Variants in AGO3 observed in about 807,000 individuals in gnomAD.
The protein encoded by AGO3 is argonaute RISC catalytic component 3, also known as protein argonaute-3.
In AGO3, 16 loss-of-function variants were observed where a neutral mutation model predicts 105.5. The ratio of observed to expected loss-of-function variants is 0.15; its 90% CI spans 0.10 to 0.23. The LOEUF is 0.23. Ranked by LOEUF, AGO3 falls within the 10% of genes least tolerant of loss-of-function variation. AGO3 has a pLI of 1.00. For missense variants in AGO3, 534 were observed against 1,088.0 expected (o/e 0.49, Z 7.16); for synonymous variants, 340 against 367.3 (o/e 0.93, Z 0.85).
chr1:36,013,424 C>T (rs1012570703), intron 9 of AGO3: 2 of 560,014 alleles, frequency 3.6e-6, no homozygotes, highest in Non-Finnish European at 6.0e-6. Context: ...GTATAAATTA[C>T]CAGGAGGTCA....
rs1643144303 is a variant in AGO3, at chr1:36,070,234, A to G, written c.*14489A>G. On this transcript the variant is annotated 3_prime_UTR_variant, in exon 19 of 19. Coordinates refer to ENST00000373191, the MANE Select transcript of AGO3 (RefSeq NM_024852.4). ...TTGAAGAAGAGGGTTAGATTTTAAG[A>G]AAGAAAGTGTGCTTATTTCACTCAT... is the stretch of plus-strand genomic sequence containing the variant. The G allele has an allele frequency of 6.6e-6, 1 of 152,190 alleles. No homozygotes were observed. Among genetic ancestry groups the G allele is most frequent in the African/African-American group, 2.4e-5 (1 of 41,446 alleles). The allele number at this position is 152,190 out of a possible 1,614,324, so 9.4% of individuals were successfully genotyped here.
At position 36,058,940 on chromosome 1, in the gene AGO3, T is replaced by TC. The variant is rs1376555874; in HGVS notation, c.*3195_*3196insC. The TC allele has an allele frequency of 6.6e-6, 1 of 152,140 alleles. No individual in the cohort carries two copies. Among genetic ancestry groups the TC allele is most frequent in the Admixed American group, 6.6e-5 (1 of 15,264 alleles). 9.4% of individuals were successfully genotyped at this position (152,140 alleles called of 1,614,324 possible). On this transcript the variant is annotated 3_prime_UTR_variant, in exon 19 of 19. Transcript: ENST00000373191. ...TTAATTCGTCTATGCTTGATCAGTG[T>TC]GAGTAAAACATCTTCCTTTATCATG...
chr1:35,931,363 G>T lies in AGO3; in HGVS notation c.-64G>T. Reference sequence around the variant, plus strand: ...CGCGTCGCGCCGCGTCGCCCCCCGGGCCGCCTCCTTGCCGCCAGTGGCGGG... The same window carrying T: ...CGCGTCGCGCCGCGTCGCCCCCCGGTCCGCCTCCTTGCCGCCAGTGGCGGG... On this transcript the variant is annotated 5_prime_UTR_variant, in exon 1 of 19. Transcript: ENST00000373191. The T allele has an allele frequency of 7.2e-7, 1 of 1,392,300 alleles. No individual in the cohort carries two copies. Among genetic ancestry groups the T allele is most frequent in the Non-Finnish European group, 9.4e-7 (1 of 1,065,966 alleles). 86.2% of individuals were successfully genotyped at this position (1,392,300 alleles called of 1,614,324 possible).
rs1642870722 is a variant in AGO3, at chr1:36,055,050, C to G, written c.2379C>G (p.Arg793=). ...ACCAGCTCTGCCACACTTACGTACG[C>G]TGTACACGATCTGTTTCTATACCTG... ...LTYQLCHTYV[R]CTRSVSIPAP... The change falls in exon 18 of 19, where the codon CGC becomes CGG. Residue 793 remains arginine (R), a synonymous_variant. Transcript: ENST00000373191. This position sits in a 1 kb window ranked among gnomAD's most constrained non-coding sequence, Gnocchi z 4.4. The G allele has an allele frequency of 6.2e-7, 1 of 1,614,186 alleles. No homozygotes were observed. The highest frequency in any genetic ancestry group is 8.5e-7 in the Non-Finnish European group (1 of 1,180,024).
Position 36,040,340 on chromosome 1 carries a change from G to A in AGO3, c.2071G>A (p.Ala691Thr). The A allele has an allele frequency of 6.2e-7, 1 of 1,613,696 alleles. No individual in the cohort carries two copies. The highest frequency in any genetic ancestry group is 8.5e-7 in the Non-Finnish European group (1 of 1,179,736). Residue 691 changes from alanine to threonine, a missense_variant, in exon 16 of 19, where the codon GCC becomes ACC. Ala to Thr is a moderately conservative substitution (Grantham distance 58). Coordinates refer to ENST00000373191, the MANE Select transcript of AGO3 (RefSeq NM_024852.4). ...LYYELLAIREACISLEKDYQP... is the reference protein window; with the variant it reads ...LYYELLAIRETCISLEKDYQP... ...TTATGAACTACTAGCAATTCGAGAAGCCTGCATCAGTTTGGAGAAAGACTA... is the reference window on the plus strand; with the variant it reads ...TTATGAACTACTAGCAATTCGAGAAACCTGCATCAGTTTGGAGAAAGACTA...
At chr1:35,982,868 G>C in intron 5 of AGO3, 1 of 451,550 alleles carries the variant, frequency 2.2e-6, no homozygotes, top group Non-Finnish European at 4.0e-6. Flanking sequence ...CTAGATTTTT[G>C]AAAGAATTGT....
intron 2 of AGO3, among the ~76,000 whole-genome samples, chr1:35,950,594 C>T (rs1435371828): frequency 6.6e-6 from 1 of 152,016 alleles, no homozygotes; most frequent in Non-Finnish European, 1.5e-5. Flanking sequence ...TTCTTTTCCC[C>T]CTATTAAATG....
rs1646036899 is a variant in AGO3, at chr1:35,931,153, G to A, written c.-274G>A. ...TCGTGGAGGAGCGGTGGGAGCGTCG[G>A]CGGCCGCGGGCGATGCAACTTCCGG... is the stretch of plus-strand genomic sequence containing the variant. On this transcript the variant is annotated 5_prime_UTR_variant, in exon 1 of 19. Coordinates refer to ENST00000373191, the MANE Select transcript of AGO3 (RefSeq NM_024852.4). The A allele has an allele frequency of 2.5e-6, 1 of 397,818 alleles. No individual in the cohort carries two copies. The highest frequency in any genetic ancestry group is 4.4e-6 in the Non-Finnish European group (1 of 225,530). The allele number at this position is 397,818 out of a possible 1,614,324, so 24.6% of individuals were successfully genotyped here. A position where few individuals can be genotyped will look rare whatever the true frequency, so the allele number is the denominator to read the frequency against.
chr1:35,995,209 A>ATATATATATAT (rs1553164849), intron 5 of AGO3, among the ~76,000 whole-genome samples: 13 of 114,732 alleles, frequency 1.1e-4, no homozygotes, highest in African/African-American at 4.1e-4. Flanking sequence ...TAAAAAAAAA[A>ATATATATATAT]ATATATATAT....
chr1:36,046,991 T>A (rs927079436), intron 17 of AGO3, among the ~76,000 whole-genome samples: 1 of 152,096 alleles, frequency 6.6e-6, no homozygotes, highest in African/African-American at 2.4e-5. Context: ...ACGCCTGTAA[T>A]CTCATTACTT....
At chr1:36,002,443 C>T (rs1027818848) in intron 5 of AGO3, among the ~76,000 whole-genome samples, 1 of 150,126 alleles carries the variant, frequency 6.7e-6, no homozygotes, top group African/African-American at 2.5e-5. Flanking sequence ...GATTCTCATG[C>T]CTCAGCCTCC....
intron 5 of AGO3, among the ~76,000 whole-genome samples, chr1:35,990,599 G>A (rs1647545124): frequency 6.6e-6 from 1 of 152,162 alleles, no homozygotes; most frequent in Non-Finnish European, 1.5e-5. Context: ...TTAGTAAAAA[G>A]TAGGCAGAAT....
rs984341000 is a variant in AGO3 at position 36,008,562 on chromosome 1, A to G, written c.794-128A>G. Reference sequence around the variant, plus strand: ...ATATGTAAAATCTGGTGTTTATATCATCTTGCCTGTATCACAGAATTTTTT... The same window carrying G: ...ATATGTAAAATCTGGTGTTTATATCGTCTTGCCTGTATCACAGAATTTTTT... On this transcript the variant is annotated intron_variant, in intron 6 of 18. Transcript: ENST00000373191. This position sits in a 1 kb window ranked among gnomAD's most constrained non-coding sequence, Gnocchi z 5.1. 3.9e-5 allele frequency: 31 copies of G among 792,638 alleles called. No homozygotes were observed. Among genetic ancestry groups the G allele is most frequent in the Non-Finnish European group, 6.0e-5 (30 of 500,200 alleles). 49.1% of individuals were successfully genotyped at this position (792,638 alleles called of 1,614,324 possible).
chr1:35,984,423 T>C (rs889345316), intron 5 of AGO3: 2 of 152,242 alleles, frequency 1.3e-5, no homozygotes, highest in Non-Finnish European at 2.9e-5. Context: ...ATCAGTGCTA[T>C]GATTTTTAGT....
At chr1:35,959,641 T>C (rs1446770313) in intron 2 of AGO3, among the ~76,000 whole-genome samples, 1 of 152,186 alleles carries the variant, frequency 6.6e-6, no homozygotes, top group Non-Finnish European at 1.5e-5. Context: ...AATATTTTGC[T>C]AAAAGTACTG....
At chr1:35,941,289 T>A (rs1170941621) in intron 1 of AGO3, among the ~76,000 whole-genome samples, 2 of 151,476 alleles carry the variant, frequency 1.3e-5, no homozygotes, top group African/African-American at 4.8e-5. Flanking sequence ...CTAACTGTAC[T>A]ACTGTAGTTC....
At chr1:36,032,619 A>G (rs1474735728) in intron 12 of AGO3, among the ~76,000 whole-genome samples, 1 of 152,172 alleles carries the variant, frequency 6.6e-6, no homozygotes, top group African/African-American at 2.4e-5. Context: ...CCTGGGCTCA[A>G]GCAATCCGCC....
intron 1 of AGO3, 102 bp downstream of exon 1, chr1:35,931,547 G>A (rs977753000): frequency 1.6e-6 from 2 of 1,234,218 alleles, no homozygotes; most frequent in Non-Finnish European, 2.1e-6. Flanking sequence ...GGTGAGCGTC[G>A]GGCGGGCATC....
At chr1:35,959,137 C>T (rs1199276767) in intron 2 of AGO3, among the ~76,000 whole-genome samples, 1 of 152,144 alleles carries the variant, frequency 6.6e-6, no homozygotes, top group Non-Finnish European at 1.5e-5. Context: ...AAGTTTCTCT[C>T]TTCCCATTTT....
Sources: allele counts gnomAD v4.1 joint callset (sites outside exome capture counted in the v4.1 genomes callset), GRCh38; gene constraint gnomAD v4.1.1; non-coding constraint Gnocchi (gnomAD v3.1); transcripts MANE v1.5; gene names NCBI Gene and HGNC (gene_info 2026-07-23, HGNC 2026-07-21).